Variants in MAP2K1 observed in about 807,000 individuals in gnomAD.
MAP2K1 encodes dual specificity mitogen-activated protein kinase kinase 1.
Under a neutral mutation model 46.3 loss-of-function variants are expected in MAP2K1, and 16 were observed. The ratio of observed to expected loss-of-function variants is 0.35; its 90% confidence interval spans 0.23 to 0.52. MAP2K1 has a LOEUF of 0.52. MAP2K1 is among the 20% of genes least tolerant of loss of function. The probability of loss-of-function intolerance (pLI) is 0.94; values close to 1 mark genes in which losing one functional copy is unlikely to be tolerated. For missense variants in MAP2K1, 263 were observed against 497.1 expected, an observed-to-expected ratio of 0.53 and a Z score of 4.48; for synonymous variants, 183 against 185.6, an observed-to-expected ratio of 0.99 and a Z score of 0.11.
rs146257440 is a variant in MAP2K1 at position 66,395,857 on chromosome 15, G to A, written c.80+8430G>A. ...CTCCCAAACTGCTGGGATTACAGGC[G>A]CCTGGCCCTCTTGCATGTTTTTATT... On this transcript the variant is annotated intron_variant, in intron 1 of 10. Coordinates refer to ENST00000307102, the MANE Select transcript of MAP2K1 (RefSeq NM_002755.4). Among the ~76,000 whole-genome samples the A allele has an allele frequency of 5.5e-3, 834 of 151,818 alleles. 8 individuals are homozygous for A. Among genetic ancestry groups the A allele is most frequent in the African/African-American group, 0.019 (774 of 41,396 alleles).
Position 66,387,159 on chromosome 15 carries a change from G to A in MAP2K1, c.-189G>A. The A allele has an allele frequency of 2.1e-6, 1 of 470,016 alleles. No homozygotes were observed. Among genetic ancestry groups the A allele is most frequent in the Non-Finnish European group, 3.8e-6 (1 of 264,288 alleles). 29.1% of individuals were successfully genotyped at this position (470,016 alleles called of 1,614,324 possible). On this transcript the variant is annotated 5_prime_UTR_variant, in exon 1 of 11. Transcript: ENST00000307102. ...AAGCCGAGTCCCGGGCGGGTGGGGC[G>A]GGGGTCCACTGAGACCGCTACCGGC...
intron 5 of MAP2K1, among the ~76,000 whole-genome samples, chr15:66,463,709 C>G (rs1189883340): frequency 6.6e-6 from 1 of 152,240 alleles, no homozygotes; most frequent in Non-Finnish European, 1.5e-5. Context: ...GCTTCAAACT[C>G]CTGACCTCTG....
At chr15:66,421,044 A>T (rs2093441278) in intron 1 of MAP2K1, among the ~76,000 whole-genome samples, 1 of 149,162 alleles carries the variant, frequency 6.7e-6, no homozygotes, top group Non-Finnish European at 1.5e-5. Flanking sequence ...GTACAATTTT[A>T]TATATATGTA....
intron 1 of MAP2K1, among the ~76,000 whole-genome samples, chr15:66,432,470 T>A (rs2093477215): frequency 6.6e-6 from 1 of 152,206 alleles, no homozygotes; most frequent in African/African-American, 2.4e-5. Context: ...CCTTTGCAAA[T>A]TGATTGAATT....
intron 1 of MAP2K1, among the ~76,000 whole-genome samples, chr15:66,400,842 A>G (rs945220066): frequency 6.6e-6 from 1 of 152,200 alleles, no homozygotes; most frequent in African/African-American, 2.4e-5. Flanking sequence ...CAGGTTAAGA[A>G]GAGGTCACCT....
chr15:66,425,738 C>T (rs968450258), intron 1 of MAP2K1, among the ~76,000 whole-genome samples: 2 of 152,190 alleles, frequency 1.3e-5, no homozygotes, highest in Non-Finnish European at 2.9e-5. Flanking sequence ...GAAAGCCACT[C>T]GTGGGTTTTC....
At chr15:66,462,662 A>G (rs1366817133) in intron 5 of MAP2K1, among the ~76,000 whole-genome samples, 1 of 152,132 alleles carries the variant, frequency 6.6e-6, no homozygotes, top group Non-Finnish European at 1.5e-5. Flanking sequence ...AGTGACATAC[A>G]TGATAAAAAA....
At chr15:66,410,784 A>G (rs953684086) in intron 1 of MAP2K1, among the ~76,000 whole-genome samples, 1 of 152,208 alleles carries the variant, frequency 6.6e-6, no homozygotes, top group Non-Finnish European at 1.5e-5. Context: ...GGACACACAT[A>G]CAGTACAGTG....
At chr15:66,458,214 C>T (rs577858939) in intron 5 of MAP2K1, among the ~76,000 whole-genome samples, 1 of 152,156 alleles carries the variant, frequency 6.6e-6, no homozygotes, top group Non-Finnish European at 1.5e-5. Flanking sequence ...TGCTCTCTTT[C>T]ATTCTATTTA....
intron 3 of MAP2K1, among the ~76,000 whole-genome samples, chr15:66,439,640 C>CCTGTT (rs2093498158): frequency 6.6e-6 from 1 of 152,152 alleles, no homozygotes; most frequent in South Asian, 2.1e-4. Flanking sequence ...GTGGCACATG[C>CCTGTT]CTGTAATCCC....
chr15:66,404,194 A>G (rs978624545), intron 1 of MAP2K1, among the ~76,000 whole-genome samples: 2 of 152,330 alleles, frequency 1.3e-5, no homozygotes, highest in Middle Eastern at 3.4e-3. Flanking sequence ...ACTAAAGGAA[A>G]GACCAGTAGA....
chr15:66,434,001 C>T (rs1487944517), intron 1 of MAP2K1, among the ~76,000 whole-genome samples: 1 of 152,242 alleles, frequency 6.6e-6, no homozygotes, highest in Non-Finnish European at 1.5e-5. Flanking sequence ...GCTTCAGCAC[C>T]CACTGGCTGA....
At chr15:66,436,713 C>T (rs2093488970) in intron 2 of MAP2K1, 33 bp from the exon 3 acceptor site, 5 of 1,609,886 alleles carry the variant, frequency 3.1e-6, no homozygotes, top group Non-Finnish European at 3.4e-6. Context: ...CTCTTTCTTT[C>T]ATAAAACCTC....
chr15:66,452,722 C>T lies in MAP2K1; in HGVS notation c.568+8015C>T, dbSNP rs184043281. 1.4e-4 allele frequency among the ~76,000 whole-genome samples: 21 copies of T among 152,310 alleles called. No individual in the cohort carries two copies. In the East Asian group the frequency reaches 3.5e-3, roughly 25 times the overall value. On this transcript the variant is annotated intron_variant, in intron 5 of 10. Coordinates refer to ENST00000307102, the MANE Select transcript of MAP2K1 (RefSeq NM_002755.4). ...GGTTGCTGTGAGGATTAAGAAATTA[C>T]ATATGGAAAGCAACTGGCAAAGTGT...
intron 5 of MAP2K1, among the ~76,000 whole-genome samples, chr15:66,462,678 A>G (rs527790808): frequency 5.3e-5 from 8 of 152,220 alleles, no homozygotes; most frequent in African/African-American, 1.9e-4. Flanking sequence ...AAAAACCTCA[A>G]GGGTTCCAAG....
intron 10 of MAP2K1, 71 bp from the exon 11 acceptor site, chr15:66,490,431 T>G (rs1356958889): frequency 8.8e-7 from 1 of 1,137,150 alleles, no homozygotes; most frequent in Admixed American, 1.7e-5. Flanking sequence ...AACTCTTGGA[T>G]TTTCCTTCCT....
intron 5 of MAP2K1, among the ~76,000 whole-genome samples, chr15:66,470,333 A>G (rs144268854): frequency 6.6e-6 from 1 of 152,280 alleles, no homozygotes; most frequent in East Asian, 1.9e-4. Flanking sequence ...GTTGTTAATC[A>G]TAACTGTAGC....
intron 1 of MAP2K1, among the ~76,000 whole-genome samples, chr15:66,395,616 C>G (rs988133917): frequency 6.9e-6 from 1 of 145,300 alleles, no homozygotes; most frequent in Non-Finnish European, 1.5e-5. Flanking sequence ...ACTCTGTCAC[C>G]CAGGCTAGAG....
intron 7 of MAP2K1, among the ~76,000 whole-genome samples, chr15:66,486,108 C>T (rs1252116622): frequency 1.3e-5 from 2 of 151,970 alleles, no homozygotes; most frequent in Admixed American, 6.6e-5. Flanking sequence ...ACTATGTTGA[C>T]TAGGCTGGTC....
Sources: gnomAD v4.1 joint callset for allele counts (sites outside exome capture counted in the v4.1 genomes callset) on GRCh38, gnomAD v4.1.1 for gene constraint, MANE v1.5 for transcripts, NCBI Gene and HGNC (gene_info 2026-07-23, HGNC 2026-07-21) for gene names.